The following ZNF254 variants were observed in gnomAD, a reference collection of about 807,000 sequenced individuals.
ZNF254 encodes the protein zinc finger protein 254, also known as CTD-2017D11.1.
A neutral mutation model predicts 12.4 loss-of-function variants in ZNF254; 10 were observed. The ratio of observed to expected loss-of-function variants is 0.80; its 90% confidence interval spans 0.50 to 1.36. The LOEUF (loss-of-function observed/expected upper bound fraction) is 1.36, where lower values mean the gene tolerates loss of function less well. Ranked by LOEUF, ZNF254 falls within the 40% of genes most tolerant of loss-of-function variation. The pLI, the probability that ZNF254 is intolerant of heterozygous loss-of-function variation, is 0.00. For synonymous variants in ZNF254, 305 were observed against 253.4 expected (o/e 1.20, Z -1.93); for missense variants, 996 against 763.9 (o/e 1.30, Z -3.58).
At chr19:24,116,156 A>T (rs111717043) in intron 3 of ZNF254, among the ~76,000 whole-genome samples, 1 of 151,134 alleles carries the variant, frequency 6.6e-6, no homozygotes, top group African/African-American at 2.4e-5. Flanking sequence ...ACTTTGGTCA[A>T]TATGACAATT....
Position 24,129,816 on chromosome 19 carries a change from T to C in ZNF254, c.*1836T>C, listed in dbSNP as rs1975118912. 6.6e-6 allele frequency: 1 copy of C among 152,004 alleles called. No homozygotes were observed. Among genetic ancestry groups the C allele is most frequent in the Non-Finnish European group, 1.5e-5 (1 of 67,954 alleles). 9.4% of individuals were successfully genotyped at this position (152,004 alleles called of 1,614,324 possible). ...TATACAAACGTGTAAAATCTATACA[T>C]TTCTGAGTTCTGAATAAATATTTTT... On this transcript the variant is annotated 3_prime_UTR_variant, in exon 4 of 4. Transcript: ENST00000357002.
intron 2 of ZNF254, among the ~76,000 whole-genome samples, chr19:24,070,921 G>T (rs1971457665): frequency 6.6e-6 from 1 of 152,128 alleles, no homozygotes; most frequent in Non-Finnish European, 1.5e-5. Flanking sequence ...GTAACATATT[G>T]CTGGGTCTAA....
At chr19:24,099,060 G>A (rs1234902047) in intron 1 of ZNF254, 8 of 129,104 alleles carry the variant, frequency 6.2e-5, no homozygotes, top group Admixed American at 5.5e-4. Flanking sequence ...GCAGTGACAC[G>A]ATCTCAGCTC....
Position 24,117,153 on chromosome 19 carries a change from C to T in ZNF254, c.254-9101C>T, listed in dbSNP as rs879572525. Reference sequence around the variant, plus strand: ...CTGCTCATGGTTCAGGGGTCCGGGACCCACTTGAGGAGTCTGTCTGCCTGT... The same window carrying T: ...CTGCTCATGGTTCAGGGGTCCGGGATCCACTTGAGGAGTCTGTCTGCCTGT... On this transcript the variant is annotated intron_variant, in intron 3 of 3. Coordinates refer to ENST00000357002, the MANE Select transcript of ZNF254 (RefSeq NM_203282.4). Among the ~76,000 whole-genome samples, 5 of 152,146 alleles carry T rather than the reference C, an allele frequency of 3.3e-5. 1 individual carries two copies. The highest frequency in any genetic ancestry group is 3.3e-4 in the Admixed American group (5 of 15,274).
chr19:24,119,929 T>G (rs1323316649), intron 3 of ZNF254, among the ~76,000 whole-genome samples: 1 of 152,118 alleles, frequency 6.6e-6, no homozygotes, highest in Non-Finnish European at 1.5e-5. Flanking sequence ...GCTTCAATTA[T>G]TTTTTAAATT....
intron 2 of ZNF254, among the ~76,000 whole-genome samples, chr19:24,061,397 C>A (rs1971060551): frequency 6.6e-6 from 1 of 152,198 alleles, no homozygotes; most frequent in South Asian, 2.1e-4. Context: ...CACAGGGGTT[C>A]TTGTGACATA....
intron 3 of ZNF254, among the ~76,000 whole-genome samples, chr19:24,111,620 T>C (rs1346678256): frequency 6.6e-6 from 1 of 152,244 alleles, no homozygotes; most frequent in Non-Finnish European, 1.5e-5. Flanking sequence ...ACCTGTTGTT[T>C]CCTGACTTTT....
chr19:24,086,031 C>G (rs1972025702), upstream of ZNF254, among the ~76,000 whole-genome samples: 1 of 151,620 alleles, frequency 6.6e-6, no homozygotes, highest in Non-Finnish European at 1.5e-5. Context: ...CATAGTGAAA[C>G]CCCGTCTCTA....
intron 3 of ZNF254, among the ~76,000 whole-genome samples, chr19:24,120,468 A>C (rs189723644): frequency 6.6e-6 from 1 of 152,254 alleles, no homozygotes; most frequent in East Asian, 1.9e-4. Context: ...ACATTTATGC[A>C]GATTTTTATT....
intron 2 of ZNF254, among the ~76,000 whole-genome samples, chr19:24,068,641 C>T (rs944849454): frequency 3.9e-5 from 6 of 152,070 alleles, no homozygotes; most frequent in Non-Finnish European, 7.4e-5. Context: ...TAATCCATCC[C>T]CAGCCAAGAA....
intron 1 of ZNF254, among the ~76,000 whole-genome samples, chr19:24,088,760 G>T (rs545281151): frequency 1.2e-3 from 181 of 152,004 alleles, no homozygotes; most frequent in Middle Eastern, 3.4e-3. Context: ...GGGATCAAAT[G>T]ATTCTCTTGT....
chr19:24,107,530 TATTTTGCTAATTAACTG>T (rs1211273388), intron 3 of ZNF254, among the ~76,000 whole-genome samples: 3 of 152,154 alleles, frequency 2.0e-5, no homozygotes, highest in African/African-American at 7.2e-5. Flanking sequence ...ATTAATTTTA[TATTTTGCTAATTAACTG>T]AGTGTATTCA....
chr19:24,051,563 G>A (rs1223609175), intron 2 of ZNF254, among the ~76,000 whole-genome samples: 4 of 152,114 alleles, frequency 2.6e-5, no homozygotes, highest in Non-Finnish European at 5.9e-5. Flanking sequence ...TGCACAAAAA[G>A]GGATTGTGAC....
At chr19:24,056,212 G>T (rs182140775) in intron 2 of ZNF254, among the ~76,000 whole-genome samples, 13 of 152,128 alleles carry the variant, frequency 8.5e-5, no homozygotes, top group Non-Finnish European at 1.5e-4. Flanking sequence ...CTATGCCCAG[G>T]TTATGTGACT....
intron 1 of ZNF254, among the ~76,000 whole-genome samples, chr19:24,037,507 T>A (rs1464297855): frequency 6.6e-6 from 1 of 152,172 alleles, no homozygotes; most frequent in Non-Finnish European, 1.5e-5. Flanking sequence ...AATCTCGGCT[T>A]ACTGCAACCT....
At position 24,106,606 on chromosome 19, in the gene ZNF254, G is replaced by C; in HGVS notation, c.216G>C (p.Trp72Cys). The C allele has an allele frequency of 6.3e-7, 1 of 1,582,210 alleles. No homozygotes were observed. ...GTCTGGAACAAGGGAAAGAGCCCTG[G>C]AATATGAAGCGACATGAGATGGTGG... ...ITCLEQGKEPWNMKRHEMVDE... is the reference protein window; with the variant it reads ...ITCLEQGKEPCNMKRHEMVDE... The change falls in exon 3 of 4, where the codon TGG becomes TGC. Residue 72 changes from tryptophan (W) to cysteine (C), a missense_variant. Physicochemically the swap from Trp to Cys is radical, Grantham distance 215. Coordinates refer to ENST00000357002, the MANE Select transcript of ZNF254 (RefSeq NM_203282.4).
At chr19:24,056,229 C>T (rs1295267736) in intron 2 of ZNF254, among the ~76,000 whole-genome samples, 3 of 152,162 alleles carry the variant, frequency 2.0e-5, no homozygotes, top group African/African-American at 4.8e-5. Flanking sequence ...GACTCTCCTG[C>T]CTGTTCCCCG....
intron 2 of ZNF254, among the ~76,000 whole-genome samples, chr19:24,051,037 G>T (rs370677595): frequency 1.3e-5 from 2 of 152,100 alleles, no homozygotes; most frequent in Admixed American, 1.3e-4. Flanking sequence ...GGGCCCTGCC[G>T]ACTGGAGTGA....
intron 1 of ZNF254, among the ~76,000 whole-genome samples, chr19:24,091,266 A>G (rs1224614670): frequency 6.6e-6 from 1 of 151,750 alleles, no homozygotes. Context: ...GATTTCAAAC[A>G]GAATTCCATC....
Sources: gnomAD v4.1 joint callset for allele counts (sites outside exome capture counted in the v4.1 genomes callset) on GRCh38, gnomAD v4.1.1 for gene constraint, MANE v1.5 for transcripts, NCBI Gene and HGNC (gene_info 2026-07-23, HGNC 2026-07-21) for gene names.